HS6ST3: variants seen among roughly 807,000 people sequenced by gnomAD.
The protein encoded by HS6ST3 is heparan sulfate 6-O-sulfotransferase 3, also known as heparan-sulfate 6-O-sulfotransferase 3.
In HS6ST3, 12 loss-of-function variants were observed where a neutral mutation model predicts 36.7. The ratio of observed to expected loss-of-function variants is 0.33; its 90% CI spans 0.21 to 0.53. HS6ST3 has a LOEUF of 0.53. Ranked by LOEUF, HS6ST3 falls within the 20% of genes least tolerant of loss-of-function variation. HS6ST3 has a pLI of 0.95. For missense variants in HS6ST3, 584 were observed against 640.9 expected, an observed-to-expected ratio of 0.91 and a Z score of 0.96; for synonymous variants, 240 against 257.5, an observed-to-expected ratio of 0.93 and a Z score of 0.65.
intron 1 of HS6ST3, among the ~76,000 whole-genome samples, chr13:96,344,364 C>A (rs145352827): frequency 9.6e-4 from 146 of 152,302 alleles, no homozygotes; most frequent in African/African-American, 3.3e-3. Context: ...GCTTGTATAT[C>A]TTCTGTGAGA....
rs138611985 is a variant in HS6ST3, at chr13:96,395,277, T to A, written c.707+303708T>A. On this transcript the variant is annotated intron_variant, in intron 1 of 1. Coordinates refer to ENST00000376705, the MANE Select transcript of HS6ST3 (RefSeq NM_153456.4). The stretch of plus-strand genomic sequence containing the variant: ...TAGCATTACAGCATCCCTGTGAAGT[T>A]TCCAGCAGCTGAGATTGTTCCTATT... Among the ~76,000 whole-genome samples, 901 of 152,344 alleles carry A rather than the reference T, an allele frequency of 5.9e-3. 6 individuals are homozygous for A. Among genetic ancestry groups the A allele is most frequent in the Middle Eastern group, 0.024 (7 of 294 alleles).
chr13:96,752,719 T>C (rs1876730010), intron 1 of HS6ST3, among the ~76,000 whole-genome samples: 1 of 152,190 alleles, frequency 6.6e-6, no homozygotes, highest in African/African-American at 2.4e-5. Flanking sequence ...ACATATGTTG[T>C]AAATATTTTC....
At chr13:96,707,314 C>G (rs1211448660) in intron 1 of HS6ST3, among the ~76,000 whole-genome samples, 1 of 152,170 alleles carries the variant, frequency 6.6e-6, no homozygotes, top group African/African-American at 2.4e-5. Flanking sequence ...AAAGAGGCCT[C>G]ACACCAAGAA....
In HS6ST3 at chr13:96,136,385, C is replaced by T. The variant is rs148834132; in HGVS notation, c.707+44816C>T. 7.9e-3 allele frequency among the ~76,000 whole-genome samples: 1,204 copies of T among 152,088 alleles called. 10 individuals are homozygous for T. Among genetic ancestry groups the T allele is most frequent in the Admixed American group, 0.02 (313 of 15,288 alleles). On this transcript the variant is annotated intron_variant, in intron 1 of 1. Coordinates refer to ENST00000376705, the MANE Select transcript of HS6ST3 (RefSeq NM_153456.4). ...GGGGAGGCCTCAGGGAGCTTTTACG[C>T]GTGGTGCAAGGCAGAGCAGGAACAG...
At chr13:96,418,417 T>C (rs1349853796) in intron 1 of HS6ST3, among the ~76,000 whole-genome samples, 2 of 152,206 alleles carry the variant, frequency 1.3e-5, no homozygotes, top group African/African-American at 2.4e-5. Flanking sequence ...GTATATATGA[T>C]ATATGTTAAA....
chr13:96,717,600 C>T (rs527618567), intron 1 of HS6ST3, among the ~76,000 whole-genome samples: 24 of 152,262 alleles, frequency 1.6e-4, no homozygotes, highest in African/African-American at 5.8e-4. Flanking sequence ...CATAGCTATT[C>T]GTTACTAAGT....
chr13:96,311,930 A>G (rs542089732), intron 1 of HS6ST3, among the ~76,000 whole-genome samples: 72 of 148,046 alleles, frequency 4.9e-4, no homozygotes, highest in Middle Eastern at 3.4e-3. Context: ...TAGCTTTCTC[A>G]TTTTCTTTGG....
chr13:96,591,628 C>T (rs1168068119), intron 1 of HS6ST3, among the ~76,000 whole-genome samples: 1 of 152,046 alleles, frequency 6.6e-6, no homozygotes, highest in African/African-American at 2.4e-5. Flanking sequence ...AATATAGGAT[C>T]ATTTCATCTG....
chr13:96,621,769 T>C (rs1352833206), intron 1 of HS6ST3, among the ~76,000 whole-genome samples: 1 of 152,202 alleles, frequency 6.6e-6, no homozygotes, highest in Admixed American at 6.5e-5. Flanking sequence ...TTACCTCATC[T>C]CCTGTCATAG....
chr13:96,647,035 T>G (rs892765834), intron 1 of HS6ST3, among the ~76,000 whole-genome samples: 1 of 151,996 alleles, frequency 6.6e-6, no homozygotes, highest in African/African-American at 2.4e-5. Context: ...CCACTGAACA[T>G]GTGTGTTAGA....
rs115094964 is a variant in HS6ST3, at chr13:96,649,569, A to G, written c.708-182921A>G. Reference sequence around the variant, plus strand: ...CTCTCTGTTTCATGCTTCACATCCAATTTGTCAGAAGGAAAGCCTGTTGCT... The same window carrying G: ...CTCTCTGTTTCATGCTTCACATCCAGTTTGTCAGAAGGAAAGCCTGTTGCT... On this transcript the variant is annotated intron_variant, in intron 1 of 1. Transcript: ENST00000376705. Among the ~76,000 whole-genome samples, 823 of 152,078 alleles carry G rather than the reference A, an allele frequency of 5.4e-3. 5 individuals are homozygous for G. The highest frequency in any genetic ancestry group is 0.019 in the African/African-American group (776 of 41,504).
At chr13:96,819,963 G>A (rs1228163020) in intron 1 of HS6ST3, among the ~76,000 whole-genome samples, 1 of 151,862 alleles carries the variant, frequency 6.6e-6, no homozygotes, top group African/African-American at 2.4e-5. Context: ...GTAATCCCAG[G>A]TACTTGGGAG....
intron 1 of HS6ST3, among the ~76,000 whole-genome samples, chr13:96,397,463 G>A (rs1192532403): frequency 6.6e-6 from 1 of 151,954 alleles, no homozygotes; most frequent in Non-Finnish European, 1.5e-5. Flanking sequence ...ATCTCTTCAA[G>A]CATATAAATG....
intron 1 of HS6ST3, among the ~76,000 whole-genome samples, chr13:96,827,564 G>T (rs1387857291): frequency 6.6e-6 from 1 of 152,136 alleles, no homozygotes; most frequent in Non-Finnish European, 1.5e-5. Flanking sequence ...CCATAAGATA[G>T]GATGACTTTA....
chr13:96,422,103 A>C (rs1460441192), intron 1 of HS6ST3, among the ~76,000 whole-genome samples: 2 of 152,200 alleles, frequency 1.3e-5, no homozygotes, highest in Non-Finnish European at 2.9e-5. Flanking sequence ...AATTAAAACA[A>C]AATTACAGCA....
At chr13:96,669,987 A>G (rs1013581356) in intron 1 of HS6ST3, among the ~76,000 whole-genome samples, 1 of 152,140 alleles carries the variant, frequency 6.6e-6, no homozygotes, top group Non-Finnish European at 1.5e-5. Context: ...TTTTTAGATT[A>G]TTTTTAAAGC....
intron 1 of HS6ST3, among the ~76,000 whole-genome samples, chr13:96,350,416 G>C (rs1332499194): frequency 1.3e-5 from 2 of 152,210 alleles, no homozygotes; most frequent in African/African-American, 4.8e-5. Flanking sequence ...ATCTGGCATT[G>C]TGATCAGTCA....
intron 1 of HS6ST3, among the ~76,000 whole-genome samples, chr13:96,754,915 A>T (rs1331083100): frequency 6.6e-6 from 1 of 152,116 alleles, no homozygotes; most frequent in Non-Finnish European, 1.5e-5. Flanking sequence ...TAATAATAAC[A>T]GGCAATCTCC....
At chr13:96,433,945 C>T (rs967443198) in intron 1 of HS6ST3, among the ~76,000 whole-genome samples, 6 of 152,082 alleles carry the variant, frequency 3.9e-5, no homozygotes, top group African/African-American at 1.2e-4. Flanking sequence ...GAAACAAAAA[C>T]AAAAACAAAA....
Sources: allele counts gnomAD v4.1 joint callset (sites outside exome capture counted in the v4.1 genomes callset), GRCh38; gene constraint gnomAD v4.1.1; transcripts MANE v1.5; gene names NCBI Gene and HGNC (gene_info 2026-07-23, HGNC 2026-07-21).